Variants in CNTN3 observed in about 807,000 individuals in gnomAD.
The protein encoded by CNTN3 is contactin-3.
Under a neutral mutation model 119.1 loss-of-function variants are expected in CNTN3, and 60 were observed. That is an observed-to-expected ratio of 0.50 (90% CI 0.41 to 0.62). The LOEUF (loss-of-function observed/expected upper bound fraction) is 0.62. Ranked by LOEUF, CNTN3 falls within the 20% of genes least tolerant of loss-of-function variation. CNTN3 has a pLI of 0.00. For missense variants in CNTN3, 1,101 were observed against 1,242.4 expected, an observed-to-expected ratio of 0.89 and a Z score of 1.71; for synonymous variants, 450 against 438.7, an observed-to-expected ratio of 1.03 and a Z score of -0.32.
intron 13 of CNTN3, among the ~76,000 whole-genome samples, chr3:74,321,435 C>G (rs1702986245): frequency 6.6e-6 from 1 of 151,900 alleles, no homozygotes; most frequent in Non-Finnish European, 1.5e-5. Flanking sequence ...AAATTTATGT[C>G]ATTGAGTGCA....
chr3:74,482,444 G>A (rs1179846698), intron 4 of CNTN3, among the ~76,000 whole-genome samples: 1 of 151,922 alleles, frequency 6.6e-6, no homozygotes, highest in Non-Finnish European at 1.5e-5. Flanking sequence ...ATGTGATAAA[G>A]GGAATCTATA....
intron 1 of CNTN3, among the ~76,000 whole-genome samples, chr3:74,613,143 G>T (rs1705110181): frequency 6.6e-6 from 1 of 151,996 alleles, no homozygotes; most frequent in Admixed American, 6.6e-5. Flanking sequence ...TCTCTGAAGG[G>T]CTCTGACTCA....
intron 4 of CNTN3, among the ~76,000 whole-genome samples, chr3:74,437,596 A>G (rs527293688): frequency 2.8e-4 from 43 of 152,360 alleles, no homozygotes; most frequent in African/African-American, 8.9e-4. Context: ...ATTTTACAAT[A>G]CTAAAGTTTA....
chr3:74,472,472 C>T (rs1702583091), intron 4 of CNTN3, among the ~76,000 whole-genome samples: 1 of 152,082 alleles, frequency 6.6e-6, no homozygotes, highest in Admixed American at 6.6e-5. Flanking sequence ...ACTGTGAGAC[C>T]ATGGATATCC....
At chr3:74,488,383 G>C (rs936900398) in intron 3 of CNTN3, among the ~76,000 whole-genome samples, 9 of 152,148 alleles carry the variant, frequency 5.9e-5, no homozygotes, top group African/African-American at 2.2e-4. Context: ...AAAGTGCTGA[G>C]ATTACAGGAG....
intron 1 of CNTN3, among the ~76,000 whole-genome samples, chr3:74,563,241 CT>C (rs985934088): frequency 5.3e-4 from 81 of 152,174 alleles, no homozygotes; most frequent in African/African-American, 1.7e-3. Context: ...TTCAGAATAC[CT>C]TTTTCACTTG....
intron 13 of CNTN3, among the ~76,000 whole-genome samples, chr3:74,317,876 T>C (rs918730439): frequency 3.7e-4 from 56 of 152,220 alleles, no homozygotes; most frequent in African/African-American, 1.3e-3. Flanking sequence ...TGAATCTGAA[T>C]GTTGGCTTGC....
chr3:74,320,862 T>C (rs1464760809), intron 13 of CNTN3, among the ~76,000 whole-genome samples: 4 of 151,906 alleles, frequency 2.6e-5, no homozygotes, highest in Non-Finnish European at 5.9e-5. Flanking sequence ...CTCTTCAGAA[T>C]CAGGATTATG....
At position 74,391,557 on chromosome 3, in the gene CNTN3, C is replaced by CTTT. The variant is rs554976641; in HGVS notation, c.455-20161_455-20159dup. On this transcript the variant is annotated intron_variant, in intron 5 of 22. Coordinates refer to ENST00000263665, the MANE Select transcript of CNTN3 (RefSeq NM_020872.3). ...TTAGTATTTTGTACTCCCATAGTTTCTTTTTTTTTTTTTTTTTTTTTTTTG... is the reference window on the plus strand; with the variant it reads ...TTAGTATTTTGTACTCCCATAGTTTCTTTTTTTTTTTTTTTTTTTTTTTTTTTG... Among the ~76,000 whole-genome samples, 67 of 87,016 alleles carry CTTT rather than the reference C, an allele frequency of 7.7e-4. 3 individuals carry two copies. The highest frequency in any genetic ancestry group is 2.5e-3 in the African/African-American group (54 of 21,410). 57.1% of individuals were successfully genotyped at this position (87,016 alleles called of 152,430 possible).
intron 20 of CNTN3, among the ~76,000 whole-genome samples, chr3:74,275,997 T>C (rs551253986): frequency 1.3e-5 from 2 of 152,122 alleles, no homozygotes; most frequent in Non-Finnish European, 2.9e-5. Flanking sequence ...GTAGCTACTC[T>C]TATATCAAAC....
At chr3:74,395,417 T>C (rs142240012) in intron 5 of CNTN3, among the ~76,000 whole-genome samples, 2 of 152,092 alleles carry the variant, frequency 1.3e-5, no homozygotes, top group African/African-American at 4.8e-5. Flanking sequence ...ATGCTGAGAT[T>C]AGAGCAAAAC....
intron 1 of CNTN3, among the ~76,000 whole-genome samples, chr3:74,567,423 G>C (rs548810374): frequency 6.8e-6 from 1 of 147,278 alleles, no homozygotes; most frequent in Non-Finnish European, 1.5e-5. Flanking sequence ...GGCTCCCAAA[G>C]TGTTGGGATT....
chr3:74,552,595 C>A (rs553117201), intron 1 of CNTN3, among the ~76,000 whole-genome samples: 2 of 152,122 alleles, frequency 1.3e-5, no homozygotes, highest in African/African-American at 4.8e-5. Context: ...TCTGTAATAT[C>A]TTTTTTTGGA....
chr3:74,303,415 G>A (rs956880853), intron 13 of CNTN3, among the ~76,000 whole-genome samples: 12 of 152,246 alleles, frequency 7.9e-5, no homozygotes, highest in East Asian at 3.9e-4. Context: ...ACAGCTAGCC[G>A]GGCACGGTGG....
chr3:74,504,397 G>A (rs186778024), intron 2 of CNTN3, among the ~76,000 whole-genome samples: 8 of 152,156 alleles, frequency 5.3e-5, no homozygotes, highest in South Asian at 4.2e-4. Context: ...ATCATATGCC[G>A]CCAATGAAAT....
intron 11 of CNTN3, among the ~76,000 whole-genome samples, chr3:74,352,055 G>A (rs1444725669): frequency 6.6e-6 from 1 of 152,170 alleles, no homozygotes; most frequent in Non-Finnish European, 1.5e-5. Flanking sequence ...TGCCTCCAAT[G>A]TTCACCTCCT....
chr3:74,585,723 T>C (rs1704582340), intron 1 of CNTN3, among the ~76,000 whole-genome samples: 1 of 152,154 alleles, frequency 6.6e-6, no homozygotes, highest in Non-Finnish European at 1.5e-5. Context: ...ACATTTATAT[T>C]CATGATCAAA....
chr3:74,599,065 AAC>A (rs2106700540), intron 1 of CNTN3, among the ~76,000 whole-genome samples: 1 of 152,210 alleles, frequency 6.6e-6, no homozygotes, highest in Admixed American at 6.5e-5. Flanking sequence ...CATAACACTT[AAC>A]ACATAATTAA....
At chr3:74,309,893 T>G (rs1197230536) in intron 13 of CNTN3, among the ~76,000 whole-genome samples, 4 of 152,200 alleles carry the variant, frequency 2.6e-5, no homozygotes, top group Non-Finnish European at 4.4e-5. Context: ...CAAGGCTCAT[T>G]TCCTTGACAT....
Sources: gnomAD v4.1 joint callset for allele counts (sites outside exome capture counted in the v4.1 genomes callset) on GRCh38, gnomAD v4.1.1 for gene constraint, MANE v1.5 for transcripts, NCBI Gene and HGNC (gene_info 2026-07-23, HGNC 2026-07-21) for gene names.